The following GDF1 variants were observed in gnomAD, a reference collection of about 807,000 sequenced individuals.
GDF1 encodes the protein growth differentiation factor 1.
GDF1 carries 8 observed loss-of-function variants against 7.4 expected under a neutral mutation model. The ratio of observed to expected loss-of-function variants is 1.09; its 90% CI spans 0.64 to 1.96. The LOEUF (loss-of-function observed/expected upper bound fraction) is 1.96, where lower values mean the gene tolerates loss of function less well. GDF1 is among the 30% of genes most tolerant of loss of function. The probability of loss-of-function intolerance (pLI) is 0.00; values close to 1 mark genes in which losing one functional copy is unlikely to be tolerated. For synonymous variants in GDF1, 311 were observed against 276.7 expected, an observed-to-expected ratio of 1.12 and a Z score of -1.23; for missense variants, 574 against 551.5, an observed-to-expected ratio of 1.04 and a Z score of -0.41.
At position 18,878,787 on chromosome 19, in the gene GDF1, C is replaced by T. The variant is rs1568297298; in HGVS notation, c.-313+143G>A. 1 of 1,464,696 alleles carries T rather than the reference C, an allele frequency of 6.8e-7. No homozygotes were observed. The highest frequency in any genetic ancestry group is 9.0e-7 in the Non-Finnish European group (1 of 1,108,170). The allele number at this position is 1,464,696 out of a possible 1,614,324, so 90.7% of individuals were successfully genotyped here. On this transcript the variant is annotated intron_variant, in intron 6 of 7. Coordinates refer to ENST00000247005, the MANE Select transcript of GDF1 (RefSeq NM_001492.6). The surrounding 1 kb of genome is among the most constrained non-coding windows in gnomAD (Gnocchi z 4.6). ...GGCCACATCGTCCACGCCTTTATTG[C>T]AGTCTCTGTTTTGGAGTAGGCTTGG...
chr19:18,892,789 C>T (rs923088500), intron 2 of GDF1, among the ~76,000 whole-genome samples: 2 of 152,134 alleles, frequency 1.3e-5, no homozygotes, highest in Admixed American at 6.5e-5. Flanking sequence ...GGATGTCTTC[C>T]CTGAGCTCCA....
Position 18,884,222 on chromosome 19 carries a change from T to G in GDF1, c.-868A>C. On this transcript the variant is annotated 5_prime_UTR_variant, in exon 3 of 8. Transcript: ENST00000247005. ...GCCATAGAAGCTTCCCTGGAGCAGG[T>G]AGGCGGCTGCAATGTCCCGTGGCAC... 6.2e-7 allele frequency: 1 copy of G among 1,613,316 alleles called. No individual in the cohort carries two copies. The highest frequency in any genetic ancestry group is 8.5e-7 in the Non-Finnish European group (1 of 1,179,796).
At chr19:18,871,947 G>A (rs910092457) in intron 6 of GDF1, among the ~76,000 whole-genome samples, 3 of 152,140 alleles carry the variant, frequency 2.0e-5, no homozygotes, top group African/African-American at 4.8e-5. Context: ...TTTCTGCATC[G>A]ACACCTTTGG....
Position 18,880,325 on chromosome 19 carries a change from C to A in GDF1, c.-622G>T, listed in dbSNP as rs369297915. The A allele has an allele frequency of 1.1e-5, 17 of 1,554,150 alleles. No homozygotes were observed. In the South Asian group the frequency reaches 2.0e-4, roughly 18 times the overall value. On this transcript the variant is annotated 5_prime_UTR_variant, in exon 4 of 8. Transcript: ENST00000247005. ...CAAGTCTGCTGCCAAGGCATGCAGC[C>A]GATGGTAGGAGCCGCCGCGGGACTT...
In GDF1 at chr19:18,896,140, C is replaced by G. The variant is rs2056623090; in HGVS notation, c.-1390G>C. 6.7e-5 allele frequency: 40 copies of G among 596,710 alleles called. 1 individual carries two copies. The South Asian group carries it at 2.7e-3, about 40-fold the overall frequency. The allele number at this position is 596,710 out of a possible 1,614,324, so 37.0% of individuals were successfully genotyped here. ...CGGTAGCCGACGGAGCCGCGCGCCCCGCGTCACGCGCCGCAGCTGGGCCGG... is the reference window on the plus strand; with the variant it reads ...CGGTAGCCGACGGAGCCGCGCGCCCGGCGTCACGCGCCGCAGCTGGGCCGG... On this transcript the variant is annotated 5_prime_UTR_variant, in exon 1 of 8. Transcript: ENST00000247005. The surrounding 1 kb of genome is among the most constrained non-coding windows in gnomAD (Gnocchi z 5.9).
chr19:18,880,407 A>C lies in GDF1; in HGVS notation c.-704T>G. On this transcript the variant is annotated 5_prime_UTR_variant, in exon 4 of 8. Coordinates refer to ENST00000247005, the MANE Select transcript of GDF1 (RefSeq NM_001492.6). ...TGCACGTCACTGATATCGTGCAGGA[A>C]GAGCACAAGGATGCCCACATTGTGG... 6.3e-7 allele frequency: 1 copy of C among 1,592,908 alleles called. No individual in the cohort carries two copies. The highest frequency in any genetic ancestry group is 1.1e-5 in the South Asian group (1 of 87,464).
Position 18,868,579 on chromosome 19 carries a change from G to A in GDF1, c.*18C>T. The A allele has an allele frequency of 6.5e-7, 1 of 1,537,626 alleles. No homozygotes were observed. Among genetic ancestry groups the A allele is most frequent in the Non-Finnish European group, 8.8e-7 (1 of 1,135,294 alleles). On this transcript the variant is annotated 3_prime_UTR_variant, in exon 8 of 8. Transcript: ENST00000247005. ...ACGCGGCATTTATTGTTGGGCCCGC[G>A]TCCCTGCCCGCCCCGGGTTAGCGGC...
At chr19:18,889,187 C>T (rs750124283) in intron 2 of GDF1, among the ~76,000 whole-genome samples, 16 of 152,030 alleles carry the variant, frequency 1.1e-4, no homozygotes, top group Middle Eastern at 3.4e-3. Context: ...CCACTGCACC[C>T]GGCCCACTTC....
At position 18,870,132 on chromosome 19, in the gene GDF1, G is replaced by A. The variant is rs2055939751; in HGVS notation, c.176C>T (p.Pro59Leu). 1.3e-6 allele frequency: 2 copies of A among 1,565,364 alleles called. No individual in the cohort carries two copies. The highest frequency in any genetic ancestry group is 1.7e-6 in the Non-Finnish European group (2 of 1,161,048). The change falls in exon 7 of 8, where the codon CCC becomes CTC. Residue 59 changes from proline to leucine, a missense_variant. Coordinates refer to ENST00000247005, the MANE Select transcript of GDF1 (RefSeq NM_001492.6). This position sits in a 1 kb window ranked among gnomAD's most constrained non-coding sequence, Gnocchi z 5.1. Reference protein sequence around the residue: ...PQGAPRLRPVPPVMWRLFRRR... With the variant: ...PQGAPRLRPVLPVMWRLFRRR... ...TCGAAACAGGCGCCACATGACCGGG[G>A]GAACCGGCCGGAGCCTGGGGGCACC...
chr19:18,893,010 A>C (rs893435634), intron 2 of GDF1, among the ~76,000 whole-genome samples: 2 of 148,310 alleles, frequency 1.3e-5, no homozygotes, highest in African/African-American at 2.5e-5. Context: ...TCTGCCTCCC[A>C]GGTTCAAGCG....
Position 18,869,119 on chromosome 19 carries a change from C to T in GDF1, c.597G>A (p.Leu199=). 5 of 1,090,170 alleles carry T rather than the reference C, an allele frequency of 4.6e-6. No homozygotes were observed. The highest frequency in any genetic ancestry group is 4.5e-6 in the Non-Finnish European group (4 of 896,522). 67.5% of individuals were successfully genotyped at this position (1,090,170 alleles called of 1,614,324 possible). A position where few individuals can be genotyped will look rare whatever the true frequency, so the allele number is the denominator to read the frequency against. The change falls in exon 8 of 8, where the codon CTG becomes CTA. Residue 199 remains leucine (L), a synonymous_variant. Coordinates refer to ENST00000247005, the MANE Select transcript of GDF1 (RefSeq NM_001492.6). ...ALGPPVRAEL[L]GAAWARNASW... ...AGGCGTTGCGAGCCCAAGCGGCGCC[C>T]AGCAGCTCCGCGCGCACTGGCGGCC... is the stretch of plus-strand genomic sequence containing the variant.
In GDF1 at chr19:18,878,784, T is replaced by C. The variant is rs143294617; in HGVS notation, c.-313+146A>G. ...ACTGGCCACATCGTCCACGCCTTTA[T>C]TGCAGTCTCTGTTTTGGAGTAGGCT... is the stretch of plus-strand genomic sequence containing the variant. On this transcript the variant is annotated intron_variant, in intron 6 of 7. Transcript: ENST00000247005. This position sits in a 1 kb window ranked among gnomAD's most constrained non-coding sequence, Gnocchi z 4.6. 6 of 1,462,148 alleles carry C rather than the reference T, an allele frequency of 4.1e-6. No individual in the cohort carries two copies. The highest frequency in any genetic ancestry group is 1.4e-5 in the African/African-American group (1 of 71,258). 90.6% of individuals were successfully genotyped at this position (1,462,148 alleles called of 1,614,324 possible). A position where few individuals can be genotyped will look rare whatever the true frequency, so the allele number is the denominator to read the frequency against.
At chr19:18,881,060 C>A (rs2056193073) in intron 3 of GDF1, among the ~76,000 whole-genome samples, 1 of 152,050 alleles carries the variant, frequency 6.6e-6, no homozygotes. Flanking sequence ...TGACCCCCGA[C>A]TCTCACAGGC....
Position 18,882,477 on chromosome 19 carries a change from A to G in GDF1, c.-733+1610T>C, listed in dbSNP as rs1304139886. ...GTGAAACCCCATCTCTACTAAAAAT[A>G]TAATAATTAGCCGGTGTGATGTCAT... On this transcript the variant is annotated intron_variant, in intron 3 of 7. Transcript: ENST00000247005. Among the ~76,000 whole-genome samples, 3 of 151,590 alleles carry G rather than the reference A, an allele frequency of 2.0e-5. No homozygotes were observed. The East Asian group carries it at 6.1e-4, about 31-fold the overall frequency.
In GDF1 at chr19:18,884,092, G is replaced by A. The variant is rs17852015; in HGVS notation, c.-738C>T. On this transcript the variant is annotated 5_prime_UTR_variant, in exon 3 of 8. Transcript: ENST00000247005. ...CCACCCGATCCTGTCCTTACCGGAAGGCGTAGGAGGAGACGATGAGGATGA... is the reference window on the plus strand; with the variant it reads ...CCACCCGATCCTGTCCTTACCGGAAAGCGTAGGAGGAGACGATGAGGATGA... 1.2e-6 allele frequency: 2 copies of A among 1,612,388 alleles called. No homozygotes were observed. Among genetic ancestry groups the A allele is most frequent in the Non-Finnish European group, 1.7e-6 (2 of 1,179,004 alleles).
rs1253618613 is a variant in GDF1, at chr19:18,869,968, G to C, written c.325+15C>G. The C allele has an allele frequency of 1.3e-6, 2 of 1,574,464 alleles. No individual in the cohort carries two copies. On this transcript the variant is annotated intron_variant, in intron 7 of 7. Coordinates refer to ENST00000247005, the MANE Select transcript of GDF1 (RefSeq NM_001492.6). ...GGCCTCCAGGACCAGTGTCCCCAGC[G>C]AAAGCCCCACTCACCGCGGTCCGGG...
At chr19:18,872,814 A>T (rs1331779897) in intron 6 of GDF1, among the ~76,000 whole-genome samples, 1 of 146,656 alleles carries the variant, frequency 6.8e-6, no homozygotes, top group Non-Finnish European at 1.5e-5. Context: ...GCGCCTGGCT[A>T]ATTTTTATAT....
rs2056618037 is a variant in GDF1 at position 18,896,001 on chromosome 19, C to G, written c.-1251G>C. 1 of 1,018,390 alleles carries G rather than the reference C, an allele frequency of 9.8e-7. No homozygotes were observed. Among genetic ancestry groups the G allele is most frequent in the Admixed American group, 5.7e-5 (1 of 17,434 alleles). The allele number at this position is 1,018,390 out of a possible 1,614,324, so 63.1% of individuals were successfully genotyped here. ...CCGCCAGCGCGCTGCCCCAGCCGCG[C>G]TGCACTAGCTGCGCGTAGCTCGGCA... is the stretch of plus-strand genomic sequence containing the variant. On this transcript the variant is annotated 5_prime_UTR_variant, in exon 1 of 8. Transcript: ENST00000247005. This position sits in a 1 kb window ranked among gnomAD's most constrained non-coding sequence, Gnocchi z 5.9.
In GDF1 at chr19:18,880,220, A is replaced by T; in HGVS notation, c.-571+54T>A. On this transcript the variant is annotated intron_variant, in intron 4 of 7. Transcript: ENST00000247005. ...CTGGTCCCGCCCCTTTTCTGGACACACCCACCTCACCAGGCCACACCTCCC... is the reference window on the plus strand; with the variant it reads ...CTGGTCCCGCCCCTTTTCTGGACACTCCCACCTCACCAGGCCACACCTCCC... The T allele has an allele frequency of 9.5e-6, 14 of 1,477,156 alleles. No individual in the cohort carries two copies. In the South Asian group the frequency reaches 1.9e-4, roughly 20 times the overall value. 91.5% of individuals were successfully genotyped at this position (1,477,156 alleles called of 1,614,324 possible). A position where few individuals can be genotyped will look rare whatever the true frequency, so the allele number is the denominator to read the frequency against.
Sources: gnomAD v4.1 joint callset for allele counts (sites outside exome capture counted in the v4.1 genomes callset) on GRCh38, gnomAD v4.1.1 for gene constraint, Gnocchi (gnomAD v3.1) non-coding constraint, MANE v1.5 for transcripts, NCBI Gene and HGNC (gene_info 2026-07-23, HGNC 2026-07-21) for gene names.